Variants in SOX5 observed in about 807,000 individuals in gnomAD.
SOX5 encodes transcription factor SOX-5.
Under a neutral mutation model 92.0 loss-of-function variants are expected in SOX5, and 9 were observed. That is an observed-to-expected ratio of 0.10 (90% confidence interval 0.06 to 0.17). The LOEUF (loss-of-function observed/expected upper bound fraction) is 0.17. SOX5 is among the 10% of genes least tolerant of loss of function. The pLI, the probability that SOX5 is intolerant of heterozygous loss-of-function variation, is 1.00. For missense variants in SOX5, 642 were observed against 944.5 expected (o/e 0.68, Z 4.20); for synonymous variants, 344 against 336.3 (o/e 1.02, Z -0.25).
At chr12:24,386,992 T>C (rs1958478482) in intron 1 of SOX5, among the ~76,000 whole-genome samples, 1 of 152,226 alleles carries the variant, frequency 6.6e-6, no homozygotes, top group African/African-American at 2.4e-5. Context: ...ATTTGGACAT[T>C]GTCCACATTT....
chr12:24,203,500 C>G (rs536174501), intron 4 of SOX5, among the ~76,000 whole-genome samples: 63 of 152,314 alleles, frequency 4.1e-4, no homozygotes, highest in Non-Finnish European at 6.3e-4. Context: ...AATGAACACA[C>G]GCATATACTC....
intron 2 of SOX5, among the ~76,000 whole-genome samples, chr12:24,323,539 AAATT>A (rs1950404167): frequency 6.6e-6 from 1 of 152,072 alleles, no homozygotes; most frequent in South Asian, 2.1e-4. Flanking sequence ...CATGTTTTAA[AAATT>A]AATATATTAC....
chr12:24,428,563 G>C lies in SOX5; in HGVS notation c.-250-59924C>G, dbSNP rs144399538. Among the ~76,000 whole-genome samples, 131 of 151,596 alleles carry C rather than the reference G, an allele frequency of 8.6e-4. 3 individuals are homozygous for C. The East Asian group carries it at 0.024, about 28-fold the overall frequency. ...TAGGCAAGAGGATCGCTTGAGCCCAGGAGTTTGAGACCAGTCTGGACCACA... is the reference window on the plus strand; with the variant it reads ...TAGGCAAGAGGATCGCTTGAGCCCACGAGTTTGAGACCAGTCTGGACCACA... On this transcript the variant is annotated intron_variant, in intron 1 of 4. Transcript: ENST00000446891.
chr12:23,894,083 G>A lies in SOX5; in HGVS notation c.270+1710C>T, dbSNP rs113485774. Among the ~76,000 whole-genome samples, 470 of 152,124 alleles carry A rather than the reference G, an allele frequency of 3.1e-3. 1 individual carries two copies. The highest frequency in any genetic ancestry group is 9.7e-3 in the African/African-American group (403 of 41,510). On this transcript the variant is annotated intron_variant, in intron 2 of 14. Transcript: ENST00000451604. ...AACAAGTTATTTAACCTCTCTTTGC[G>A]TCAGTTTTCTCATCTGTAAAACAGA...
intron 1 of SOX5, among the ~76,000 whole-genome samples, chr12:24,388,625 T>A (rs1476438400): frequency 6.6e-6 from 1 of 152,142 alleles, no homozygotes; most frequent in African/African-American, 2.4e-5. Flanking sequence ...GATGTTTATA[T>A]AATACAATTC....
Position 24,124,400 on chromosome 12 carries a change from G to A in SOX5, c.-2+88943C>T, listed in dbSNP as rs186200510. On this transcript the variant is annotated intron_variant, in intron 4 of 4. Transcript: ENST00000446891. ...TTTTCCTAACAAAACCATTCACGGAGAAGTTCACACAAGAGGGTGAAAAGT... is the reference window on the plus strand; with the variant it reads ...TTTTCCTAACAAAACCATTCACGGAAAAGTTCACACAAGAGGGTGAAAAGT... Among the ~76,000 whole-genome samples the A allele has an allele frequency of 2.2e-3, 328 of 152,250 alleles. 1 individual carries two copies. The highest frequency in any genetic ancestry group is 0.01 in the Middle Eastern group (3 of 294).
At chr12:24,367,590 T>G (rs1361303259) in intron 2 of SOX5, among the ~76,000 whole-genome samples, 2 of 152,180 alleles carry the variant, frequency 1.3e-5, no homozygotes, top group African/African-American at 4.8e-5. Context: ...TGCCACAACA[T>G]TTATCTATGC....
At chr12:24,431,910 A>T (rs1053110972) in intron 1 of SOX5, among the ~76,000 whole-genome samples, 6 of 152,164 alleles carry the variant, frequency 3.9e-5, no homozygotes, top group African/African-American at 1.4e-4. Context: ...ATGACAGTAC[A>T]CAAGCTGAGA....
At chr12:23,826,810 T>C (rs1211827076) in intron 3 of SOX5, among the ~76,000 whole-genome samples, 2 of 152,228 alleles carry the variant, frequency 1.3e-5, no homozygotes, top group Admixed American at 6.5e-5. Context: ...TGTCACACTG[T>C]GGTATGCAAA....
At chr12:23,555,338 A>G (rs996273060) in intron 11 of SOX5, among the ~76,000 whole-genome samples, 6 of 152,022 alleles carry the variant, frequency 3.9e-5, no homozygotes, top group Admixed American at 2.0e-4. Context: ...TGAAAGCCCA[A>G]TTTGGCATGC....
At position 23,675,292 on chromosome 12, in the gene SOX5, T is replaced by C. The variant is rs527583427; in HGVS notation, c.811-9728A>G. On this transcript the variant is annotated intron_variant, in intron 6 of 14. Coordinates refer to ENST00000451604, the MANE Select transcript of SOX5 (RefSeq NM_006940.6). ...TTGCTCTTCCCCAAAAGACTTACAA[T>C]TTTTTTCTGGCCAAGAGACCTTTTA... Among the ~76,000 whole-genome samples the C allele has an allele frequency of 2.9e-4, 44 of 152,292 alleles. 1 individual carries two copies. The South Asian group carries it at 5.8e-3, about 20-fold the overall frequency.
At chr12:23,796,479 T>A (rs1430254048) in intron 3 of SOX5, among the ~76,000 whole-genome samples, 7 of 151,996 alleles carry the variant, frequency 4.6e-5, no homozygotes, top group Non-Finnish European at 7.4e-5. Flanking sequence ...TGCTTAAAAA[T>A]CATATCAAGG....
intron 1 of SOX5, among the ~76,000 whole-genome samples, chr12:23,896,840 A>C (rs1434507479): frequency 6.6e-6 from 1 of 152,078 alleles, no homozygotes; most frequent in Admixed American, 6.5e-5. Context: ...AAAGAAAAAA[A>C]CCCAAAGAAG....
chr12:23,905,061 T>C (rs2097277365), intron 1 of SOX5, among the ~76,000 whole-genome samples: 1 of 152,218 alleles, frequency 6.6e-6, no homozygotes, highest in Non-Finnish European at 1.5e-5. Flanking sequence ...AATCTGATTC[T>C]TGTCATTATC....
At chr12:23,721,807 A>G (rs1340657842) in intron 6 of SOX5, among the ~76,000 whole-genome samples, 1 of 152,246 alleles carries the variant, frequency 6.6e-6, no homozygotes, top group Non-Finnish European at 1.5e-5. Flanking sequence ...CATGAAGTTT[A>G]GCCTACGTGC....
At chr12:24,332,777 A>G (rs1050700285) in intron 2 of SOX5, among the ~76,000 whole-genome samples, 1 of 152,044 alleles carries the variant, frequency 6.6e-6, no homozygotes, top group Non-Finnish European at 1.5e-5. Context: ...CTGACACTGG[A>G]CCCCAGAGAG....
At chr12:23,643,721 G>A (rs1399699758) in intron 7 of SOX5, among the ~76,000 whole-genome samples, 1 of 152,148 alleles carries the variant, frequency 6.6e-6, no homozygotes, top group Non-Finnish European at 1.5e-5. Context: ...TCATTTAAGT[G>A]CTGGATTTAA....
At chr12:24,276,711 T>C (rs1054527935) in intron 3 of SOX5, among the ~76,000 whole-genome samples, 1 of 152,154 alleles carries the variant, frequency 6.6e-6, no homozygotes, top group Non-Finnish European at 1.5e-5. Flanking sequence ...CCATGGAATG[T>C]TTCTGTCAGT....
chr12:23,844,894 T>C (rs2096557932), intron 3 of SOX5, among the ~76,000 whole-genome samples: 2 of 152,344 alleles, frequency 1.3e-5, no homozygotes, highest in Admixed American at 1.3e-4. Flanking sequence ...GGAGGACATG[T>C]AACAAAATAT....
Sources: gnomAD v4.1 joint callset for allele counts (sites outside exome capture counted in the v4.1 genomes callset) on GRCh38, gnomAD v4.1.1 for gene constraint, MANE v1.5 for transcripts, NCBI Gene and HGNC (gene_info 2026-07-23, HGNC 2026-07-21) for gene names.